PCDH7: variants seen among roughly 807,000 people sequenced by gnomAD.
PCDH7 encodes the protein protocadherin 7.
PCDH7 carries 17 observed loss-of-function variants against 58.9 expected under a neutral mutation model. That is an observed-to-expected ratio of 0.29 (90% CI 0.20 to 0.43). The LOEUF (loss-of-function observed/expected upper bound fraction) is 0.43, where lower values mean the gene tolerates loss of function less well. Among genes scored for constraint, PCDH7 ranks in the 20% least tolerant of loss-of-function variants. The probability of loss-of-function intolerance (pLI) is 1.00; values close to 1 mark genes in which losing one functional copy is unlikely to be tolerated. For synonymous variants in PCDH7, 664 were observed against 616.4 expected (o/e 1.08, Z -1.14); for missense variants, 1,274 against 1,441.0 (o/e 0.88, Z 1.88).
chr4:30,833,936 G>A (rs1216761206), intron 1 of PCDH7, among the ~76,000 whole-genome samples: 1 of 152,174 alleles, frequency 6.6e-6, no homozygotes, highest in East Asian at 1.9e-4. Flanking sequence ...AAGAGGTGGT[G>A]CATTTTGCTG....
chr4:31,104,418 A>C (rs1297285507), intron 3 of PCDH7, among the ~76,000 whole-genome samples: 1 of 152,210 alleles, frequency 6.6e-6, no homozygotes, highest in Non-Finnish European at 1.5e-5. Flanking sequence ...AATCTCTATG[A>C]TTTACACTGG....
Position 30,968,319 on chromosome 4 carries a change from C to CTA in PCDH7, c.*7+18117_*7+18118dup, listed in dbSNP as rs1553920869. Reference sequence around the variant, plus strand: ...CTCTCTCTCTATATATATATATACACTATATATATATATACACACACTATA... The same window carrying CTA: ...CTCTCTCTCTATATATATATATACACTATATATATATATATACACACACTATA... On this transcript the variant is annotated intron_variant, in intron 3 of 3. Transcript: ENST00000509759. 9.9e-4 allele frequency among the ~76,000 whole-genome samples: 82 copies of CTA among 82,576 alleles called. 3 individuals are homozygous for CTA. Among genetic ancestry groups the CTA allele is most frequent in the East Asian group, 1.8e-3 (7 of 3,864 alleles). The allele number at this position is 82,576 out of a possible 152,430, so 54.2% of individuals were successfully genotyped here.
intron 1 of PCDH7, among the ~76,000 whole-genome samples, chr4:30,812,936 C>A (rs555564727): frequency 6.6e-6 from 1 of 152,246 alleles, no homozygotes; most frequent in African/African-American, 2.4e-5. Flanking sequence ...ATGAAGGCAA[C>A]ATAATTCTAA....
rs569251100 is a variant in PCDH7, at chr4:31,100,730, T to G, written c.*8-41743T>G. On this transcript the variant is annotated intron_variant, in intron 3 of 3. Coordinates refer to the PCDH7 transcript ENST00000509759. The stretch of plus-strand genomic sequence containing the variant: ...GATTTTTTCCATTCAAGTTCAACTT[T>G]CTGGAGAAGTCATAAGTGGATGAGT... 2.0e-5 allele frequency among the ~76,000 whole-genome samples: 3 copies of G among 152,302 alleles called. No homozygotes were observed. The South Asian group carries it at 6.2e-4, about 32-fold the overall frequency.
chr4:30,825,782 A>AT (rs34840742), intron 1 of PCDH7, among the ~76,000 whole-genome samples: 2 of 151,904 alleles, frequency 1.3e-5, no homozygotes, highest in Non-Finnish European at 2.9e-5. Flanking sequence ...TTGTATGGCT[A>AT]TTTTTTTTAC....
Position 30,722,746 on chromosome 4 carries a change from A to G in PCDH7, c.1324A>G (p.Ile442Val), listed in dbSNP as rs1292949057. ...CGAGGACGTTCTGGTCGACACCCCC[A>G]TCGCTCTGGTGCAGGTGTCCGACCG... The change falls in exon 1 of 2, where the codon ATC becomes GTC. Residue 442 changes from isoleucine (I) to valine (V), a missense_variant. Ile to Val is a conservative substitution (Grantham distance 29). Around this residue, in one of 3 missense-constraint regions of PCDH7, gnomAD observed 731 missense variants for 881.9 expected, o/e 0.83. Transcript: ENST00000361762. The surrounding 1 kb of genome is among the most constrained non-coding windows in gnomAD (Gnocchi z 7.6). 4 of 1,613,394 alleles carry G rather than the reference A, an allele frequency of 2.5e-6. No individual in the cohort carries two copies. The highest frequency in any genetic ancestry group is 1.7e-5 in the Admixed American group (1 of 60,026).
chr4:30,891,858 G>C lies in PCDH7; in HGVS notation c.71-28295G>C, dbSNP rs541029454. ...TTACTCCAGAAAACATGGGGGTGAT[G>C]CCTTTTTGTGCTCACATGATATGTC... is the stretch of plus-strand genomic sequence containing the variant. On this transcript the variant is annotated intron_variant, in intron 1 of 3. Transcript: ENST00000509759. 2.5e-3 allele frequency among the ~76,000 whole-genome samples: 374 copies of C among 151,220 alleles called. 2 individuals are homozygous for C. The highest frequency in any genetic ancestry group is 6.8e-3 in the Middle Eastern group (2 of 294).
intron 1 of PCDH7, among the ~76,000 whole-genome samples, chr4:30,779,362 T>C (rs1371961929): frequency 6.6e-6 from 1 of 152,152 alleles, no homozygotes; most frequent in Non-Finnish European, 1.5e-5. Flanking sequence ...CTACATTAGA[T>C]AGTAATGTAA....
intron 2 of PCDH7, among the ~76,000 whole-genome samples, chr4:30,944,986 A>G (rs1746495495): frequency 6.6e-6 from 1 of 152,144 alleles, no homozygotes; most frequent in Non-Finnish European, 1.5e-5. Flanking sequence ...ATAGTGTTTT[A>G]CAATGTTTTT....
intron 1 of PCDH7, among the ~76,000 whole-genome samples, chr4:30,738,407 A>G (rs190729456): frequency 6.6e-6 from 1 of 152,256 alleles, no homozygotes; most frequent in African/African-American, 2.4e-5. Context: ...AAAAAAAAAA[A>G]AGGTACAATT....
chr4:30,882,649 A>G (rs1377519380), intron 1 of PCDH7, among the ~76,000 whole-genome samples: 2 of 152,160 alleles, frequency 1.3e-5, no homozygotes, highest in Non-Finnish European at 2.9e-5. Flanking sequence ...TGGTGTTTCT[A>G]TCATCTCTAT....
At chr4:30,953,865 T>C (rs1014587724) in intron 3 of PCDH7, among the ~76,000 whole-genome samples, 1 of 152,128 alleles carries the variant, frequency 6.6e-6, no homozygotes, top group African/African-American at 2.4e-5. Context: ...ATAATAACAT[T>C]GGTGGAAGTA....
At chr4:30,883,004 C>T (rs889391236) in intron 1 of PCDH7, among the ~76,000 whole-genome samples, 5 of 152,168 alleles carry the variant, frequency 3.3e-5, no homozygotes, top group African/African-American at 4.8e-5. Context: ...CAGTGTGATA[C>T]ATATTTTGCC....
chr4:30,755,459 C>G (rs908765679), intron 1 of PCDH7, among the ~76,000 whole-genome samples: 5 of 152,122 alleles, frequency 3.3e-5, no homozygotes, highest in Admixed American at 6.5e-5. Context: ...AAAAGAGAGG[C>G]CTCTAGCCTT....
chr4:31,021,559 G>A (rs767766748), intron 3 of PCDH7, among the ~76,000 whole-genome samples: 1 of 152,100 alleles, frequency 6.6e-6, no homozygotes, highest in Non-Finnish European at 1.5e-5. Context: ...TTCAGTGTGG[G>A]TGTCCTGGGG....
intron 3 of PCDH7, among the ~76,000 whole-genome samples, chr4:30,966,762 C>T (rs527564909): frequency 2.8e-4 from 42 of 152,166 alleles, no homozygotes; most frequent in Admixed American, 2.4e-3. Context: ...ACAAAACTCT[C>T]CTCAGACCAT....
chr4:31,036,566 A>T (rs917045627), intron 3 of PCDH7, among the ~76,000 whole-genome samples: 8 of 152,282 alleles, frequency 5.3e-5, no homozygotes, highest in African/African-American at 1.9e-4. Flanking sequence ...CATACATGTG[A>T]GGTCAACTTG....
chr4:30,900,876 C>T (rs1740122667), intron 1 of PCDH7, among the ~76,000 whole-genome samples: 1 of 152,040 alleles, frequency 6.6e-6, no homozygotes, highest in Non-Finnish European at 1.5e-5. Context: ...AAAAATAGGG[C>T]TAGCACCAGT....
intron 1 of PCDH7, among the ~76,000 whole-genome samples, chr4:30,774,330 A>G (rs1721793645): frequency 6.6e-6 from 1 of 152,218 alleles, no homozygotes. Flanking sequence ...ACCACACTCC[A>G]TGCCTCTTAA....
Sources: allele counts gnomAD v4.1 joint callset (sites outside exome capture counted in the v4.1 genomes callset), GRCh38; gene constraint gnomAD v4.1.1; regional missense constraint gnomAD v4.1.1; non-coding constraint Gnocchi (gnomAD v3.1); transcripts MANE v1.5; gene names NCBI Gene and HGNC (gene_info 2026-07-23, HGNC 2026-07-21).